NACA: variants seen among roughly 807,000 people sequenced by gnomAD.
NACA encodes nascent polypeptide-associated complex subunit alpha.
NACA carries 42 observed loss-of-function variants against 86.4 expected under a neutral mutation model. That is an observed-to-expected ratio of 0.49 (90% CI 0.38 to 0.63). The LOEUF is 0.63. Ranked by LOEUF, NACA falls within the 20% of genes least tolerant of loss-of-function variation. The pLI is 0.00. For missense variants in NACA, 2,157 were observed against 2,483.6 expected, an observed-to-expected ratio of 0.87 and a Z score of 2.80; for synonymous variants, 898 against 973.7, an observed-to-expected ratio of 0.92 and a Z score of 1.45.
rs1444312561 is a variant in NACA, at chr12:56,716,183, G to C, written c.5347C>G (p.Pro1783Ala). The change falls in exon 3 of 9, where the codon CCT (proline) becomes GCT (alanine). Residue 1783 changes from proline to alanine, a missense_variant. By Grantham distance (27) the Pro-to-Ala change is conservative. Around this residue, in one of 8 missense-constraint regions of NACA, gnomAD observed 797 missense variants for 777.6 expected, o/e 1.02. Coordinates refer to ENST00000454682, the MANE Select transcript of NACA (RefSeq NM_001365896.1). ...LTAAAFEKVL[P>A]KPESASVSAA... ...GAGACAGATGCTGATTCAGGTTTAG[G>C]AAGGACCTTCTCAAAGGCAGCTGCT... 1 of 1,613,726 alleles carries C rather than the reference G, an allele frequency of 6.2e-7. No homozygotes were observed. The highest frequency in any genetic ancestry group is 8.5e-7 in the Non-Finnish European group (1 of 1,179,878).
In NACA at chr12:56,713,309, G is replaced by A. The variant is rs549702269; in HGVS notation, c.5971-119C>T. ...GTAACTTATTGTACAGCTTTAAACT[G>A]CTTGCCCTCACAGTAGAAAGAGTAG... On this transcript the variant is annotated intron_variant, in intron 6 of 8. Transcript: ENST00000454682. The A allele has an allele frequency of 1.6e-5, 21 of 1,342,566 alleles. No homozygotes were observed. The South Asian group carries it at 2.3e-4, about 15-fold the overall frequency. 83.2% of individuals were successfully genotyped at this position (1,342,566 alleles called of 1,614,324 possible). A position where few individuals can be genotyped will look rare whatever the true frequency, so the allele number is the denominator to read the frequency against.
Position 56,716,066 on chromosome 12 carries a change from C to G in NACA, c.5464G>C (p.Gly1822Arg). ...PKQQFLPSSPGLVLESPSKPL... is the reference protein window; with the variant it reads ...PKQQFLPSSPRLVLESPSKPL... ...TTAGAGGGTGATTCCAACACCAGCC[C>G]AGGAGAGGACGGCAGAAATTGCTGT... Residue 1822 changes from glycine (G) to arginine (R), a missense_variant, in exon 3 of 9, where the codon GGG (glycine) becomes CGG (arginine). By Grantham distance (125) the Gly-to-Arg change is moderately radical. Transcript: ENST00000454682. 1 of 1,612,282 alleles carries G rather than the reference C, an allele frequency of 6.2e-7. No individual in the cohort carries two copies. The highest frequency in any genetic ancestry group is 8.5e-7 in the Non-Finnish European group (1 of 1,178,910).
At chr12:56,714,004 T>C (rs1008025168) in intron 5 of NACA, 1 of 381,864 alleles carries the variant, frequency 2.6e-6, no homozygotes, top group African/African-American at 2.0e-5. Context: ...CACCATGCCC[T>C]GCTATATATT....
In NACA at chr12:56,716,148, G is replaced by A. The variant is rs747020698; in HGVS notation, c.5382C>T (p.Pro1794=). 9.9e-6 allele frequency: 16 copies of A among 1,613,272 alleles called. No individual in the cohort carries two copies. In the African/African-American group the frequency reaches 2.0e-4, roughly 20 times the overall value. The change falls in exon 3 of 9, where the codon CCC becomes CCT. Residue 1794 remains proline, a synonymous_variant. Coordinates refer to ENST00000454682, the MANE Select transcript of NACA (RefSeq NM_001365896.1). ...KPESASVSAA[P]SPPVSLPLAP... The stretch of plus-strand genomic sequence containing the variant: ...CAAGAGGCAGAGAGACTGGTGGGGA[G>A]GGTGCTGCAGAGACAGATGCTGATT...
chr12:56,716,568 TG>T lies in NACA; in HGVS notation c.4961del (p.Pro1654GlnfsTer28). The T allele has an allele frequency of 6.9e-7, 1 of 1,459,062 alleles. No individual in the cohort carries two copies. Among genetic ancestry groups the T allele is most frequent in the Admixed American group, 1.8e-5 (1 of 55,284 alleles). The allele number at this position is 1,459,062 out of a possible 1,614,324, so 90.4% of individuals were successfully genotyped here. A position where few individuals can be genotyped will look rare whatever the true frequency, so the allele number is the denominator to read the frequency against. Reference sequence around the variant, plus strand: ...CCCCCATTTTACATGTGACAGAAGCTGGGGAAGTAGGGGAGTCTTTGAGGGA... The same window carrying T: ...CCCCCATTTTACATGTGACAGAAGCTGGGAAGTAGGGGAGTCTTTGAGGGA... Reference protein sequence around the residue: ...PSSLKDSPTSPASVTCKMGAT... With the variant: ...PSSLKDSPTSXASVTCKMGAT... On this transcript the variant is annotated frameshift_variant, in exon 3 of 9. Transcript: ENST00000454682. LOFTEE classifies it high-confidence loss of function.
chr12:56,724,386 C>A, intron 2 of NACA, 66 bp downstream of exon 2: 1 of 1,497,840 alleles, frequency 6.7e-7, no homozygotes, highest in South Asian at 1.2e-5. Context: ...TCCCCTTGGT[C>A]ATTTTGCCCA....
chr12:56,716,059 A>T lies in NACA; in HGVS notation c.5471T>A (p.Val1824Glu). Residue 1824 changes from valine to glutamate, a missense_variant, in exon 3 of 9, where the codon GTG (valine) becomes GAG (glutamate). Val to Glu is a moderately radical substitution (Grantham distance 121). Coordinates refer to ENST00000454682, the MANE Select transcript of NACA (RefSeq NM_001365896.1). ...QQFLPSSPGL[V>E]LESPSKPLAP... The stretch of plus-strand genomic sequence containing the variant: ...AAGGGGTTTAGAGGGTGATTCCAAC[A>T]CCAGCCCAGGAGAGGACGGCAGAAA... 6.2e-7 allele frequency: 1 copy of T among 1,611,690 alleles called. No homozygotes were observed. The highest frequency in any genetic ancestry group is 1.1e-5 in the South Asian group (1 of 90,934).
chr12:56,716,003 G>C lies in NACA; in HGVS notation c.5527C>G (p.Leu1843Val), dbSNP rs1174481493. The C allele has an allele frequency of 2.5e-6, 4 of 1,595,042 alleles. No individual in the cohort carries two copies. In the African/African-American group the frequency reaches 4.0e-5, roughly 16 times the overall value. ...APADEDELLP[L>V]IPPEPISGGV... The stretch of plus-strand genomic sequence containing the variant: ...CCAGAGATTGGTTCCGGGGGAATCA[G>C]AGGCAGCAGCTCATCCTCATCAGCA... Residue 1843 changes from leucine to valine, a missense_variant, in exon 3 of 9, where the codon CTG becomes GTG. Physicochemically the swap from Leu to Val is conservative, Grantham distance 32. Transcript: ENST00000454682.
chr12:56,724,118 G>A (rs967771577), intron 2 of NACA, among the ~76,000 whole-genome samples: 1 of 152,190 alleles, frequency 6.6e-6, no homozygotes, highest in Non-Finnish European at 1.5e-5. Flanking sequence ...CTTGGCCTGT[G>A]TCATCTAGTT....
rs758238318 is a variant in NACA at position 56,714,662 on chromosome 12, A to C, written c.5685T>G (p.Asp1895Glu). 3.7e-6 allele frequency: 6 copies of C among 1,614,174 alleles called. No individual in the cohort carries two copies. The highest frequency in any genetic ancestry group is 1.1e-5 in the South Asian group (1 of 91,084). ...NKGSGTESDS[D>E]ESVPELEEQD... is the part of the protein sequence containing the mutation. The stretch of plus-strand genomic sequence containing the variant: ...GTTCTTCAAGCTCTGGTACTGATTC[A>C]TCACTGTCAGATTCTGTTCCAGACC... The change falls in exon 4 of 9, where the codon GAT becomes GAG. Residue 1895 changes from aspartate (D) to glutamate (E), a missense_variant. Asp to Glu is a conservative substitution (Grantham distance 45, BLOSUM62 2). This residue lies in a region of NACA where 797 missense variants were observed against 777.6 expected (regional missense o/e 1.02). Coordinates refer to ENST00000454682, the MANE Select transcript of NACA (RefSeq NM_001365896.1).
intron 2 of NACA, among the ~76,000 whole-genome samples, chr12:56,723,625 C>T (rs1390438521): frequency 1.3e-5 from 2 of 152,002 alleles, no homozygotes; most frequent in Non-Finnish European, 2.9e-5. Flanking sequence ...TCTACTGTAA[C>T]TCCAAAAAGG....
Position 56,717,110 on chromosome 12 carries a change from A to G in NACA, c.4420T>C (p.Ser1474Pro). 8.2e-7 allele frequency: 1 copy of G among 1,219,984 alleles called. No individual in the cohort carries two copies. Among genetic ancestry groups the G allele is most frequent in the Non-Finnish European group, 1.0e-6 (1 of 963,342 alleles). 75.6% of individuals were successfully genotyped at this position (1,219,984 alleles called of 1,614,324 possible). A position where few individuals can be genotyped will look rare whatever the true frequency, so the allele number is the denominator to read the frequency against. ...DPTLPAVTPP[S>P]PKEPPAPKQV... Reference sequence around the variant, plus strand: ...TTGGGGGCTGGGGGCTCCTTGGGGGAAGGAGGAGTCACTGCTGGGAGGGTG... The same window carrying G: ...TTGGGGGCTGGGGGCTCCTTGGGGGGAGGAGGAGTCACTGCTGGGAGGGTG... The change falls in exon 3 of 9, where the codon TCC becomes CCC. Residue 1474 changes from serine to proline, a missense_variant. Coordinates refer to ENST00000454682, the MANE Select transcript of NACA (RefSeq NM_001365896.1).
At chr12:56,724,090 C>T (rs556220513) in intron 2 of NACA, among the ~76,000 whole-genome samples, 2 of 152,314 alleles carry the variant, frequency 1.3e-5, no homozygotes, top group African/African-American at 4.8e-5. Flanking sequence ...GCTGGAGTTT[C>T]ACAAATGCTC....
At position 56,717,455 on chromosome 12, in the gene NACA, C is replaced by G. The variant is rs1271402369; in HGVS notation, c.4075G>C (p.Gly1359Arg). The G allele has an allele frequency of 1.5e-6, 2 of 1,370,916 alleles. No individual in the cohort carries two copies. The highest frequency in any genetic ancestry group is 2.5e-5 in the South Asian group (2 of 80,118). The allele number at this position is 1,370,916 out of a possible 1,614,324, so 84.9% of individuals were successfully genotyped here. A position where few individuals can be genotyped will look rare whatever the true frequency, so the allele number is the denominator to read the frequency against. The change falls in exon 3 of 9, where the codon GGC (glycine) becomes CGC (arginine). Residue 1359 changes from glycine to arginine, a missense_variant. Coordinates refer to ENST00000454682, the MANE Select transcript of NACA (RefSeq NM_001365896.1). ...LPATTPSSKG[G>R]PTTPSSKEGP... ...TCTTTGGAGGATGGAGTAGTTGGGC[C>G]TCCTTTAGAGGAGGGAGTTGTAGCT...
chr12:56,720,470 T>G lies in NACA; in HGVS notation c.1060A>C (p.Arg354=). 6.2e-7 allele frequency: 1 copy of G among 1,613,760 alleles called. No individual in the cohort carries two copies. Among genetic ancestry groups the G allele is most frequent in the Non-Finnish European group, 8.5e-7 (1 of 1,179,762 alleles). ...GAAGGAAGGGGAGGAATTACAGATCTCTGAGAAGGATAAGAGGCCCCTGTG... is the reference window on the plus strand; with the variant it reads ...GAAGGAAGGGGAGGAATTACAGATCGCTGAGAAGGATAAGAGGCCCCTGTG... ...SSTGASYPSQ[R]SVIPPLPSRN... The change falls in exon 3 of 9, where the codon AGA becomes CGA. Residue 354 remains arginine (R), a synonymous_variant. Transcript: ENST00000454682.
In NACA at chr12:56,717,260, C is replaced by G. The variant is rs1953399518; in HGVS notation, c.4270G>C (p.Gly1424Arg). The change falls in exon 3 of 9, where the codon GGC (glycine) becomes CGC (arginine). Residue 1424 changes from glycine to arginine, a missense_variant. By Grantham distance (125) the Gly-to-Arg change is moderately radical. Transcript: ENST00000454682. ...TCTCCTTTGGATGGGGTGGCTGCGC[C>G]TTCTCTGGTGACTGGAGTTGCTGGA... ...KAPATPVTRE[G>R]AATPSKGDLT... 1 of 1,326,460 alleles carries G rather than the reference C, an allele frequency of 7.5e-7. No homozygotes were observed. Among genetic ancestry groups the G allele is most frequent in the Non-Finnish European group, 9.8e-7 (1 of 1,016,444 alleles). The allele number at this position is 1,326,460 out of a possible 1,614,324, so 82.2% of individuals were successfully genotyped here.
Position 56,720,048 on chromosome 12 carries a change from A to G in NACA, c.1482T>C (p.Ser494=). ...VMAPVAPKEP[S]TQVATTLRIP... is the part of the protein sequence containing the mutation. Reference sequence around the variant, plus strand: ...TCCTCAGAGTGGTTGCTACTTGAGTAGAAGGCTCTTTGGGAGCCACAGGTG... The same window carrying G: ...TCCTCAGAGTGGTTGCTACTTGAGTGGAAGGCTCTTTGGGAGCCACAGGTG... The change falls in exon 3 of 9, where the codon TCT becomes TCC. Residue 494 remains serine, a synonymous_variant. Coordinates refer to ENST00000454682, the MANE Select transcript of NACA (RefSeq NM_001365896.1). The G allele has an allele frequency of 2.5e-6, 4 of 1,613,984 alleles. No homozygotes were observed. Among genetic ancestry groups the G allele is most frequent in the Non-Finnish European group, 3.4e-6 (4 of 1,179,890 alleles).
In NACA at chr12:56,716,623, G is replaced by C. The variant is rs758174088; in HGVS notation, c.4907C>G (p.Thr1636Ser). 7 of 1,449,110 alleles carry C rather than the reference G, an allele frequency of 4.8e-6. No homozygotes were observed. In the East Asian group the frequency reaches 1.8e-4, roughly 37 times the overall value. The allele number at this position is 1,449,110 out of a possible 1,614,324, so 89.8% of individuals were successfully genotyped here. The part of the protein sequence containing the change: ...KGPATPAPKG[T>S]PTSPPVTPSS... ...AGGAGTCACAGGTGGGGAAGTGGGA[G>C]TCCCTTTGGGGGCTGGAGTTGCTGG... Residue 1636 changes from threonine (T) to serine (S), a missense_variant, in exon 3 of 9, where the codon ACT becomes AGT. Transcript: ENST00000454682.
At position 56,715,997 on chromosome 12, in the gene NACA, G is replaced by A. The variant is rs748115761; in HGVS notation, c.5533C>T (p.Pro1845Ser). Residue 1845 changes from proline to serine, a missense_variant, in exon 3 of 9, where the codon CCC becomes TCC. Physicochemically the swap from Pro to Ser is moderately conservative, Grantham distance 74. This residue lies in a region of NACA where 797 missense variants were observed against 777.6 expected (regional missense o/e 1.02). Transcript: ENST00000454682. Reference protein sequence around the residue: ...ADEDELLPLIPPEPISGGVPF... With the variant: ...ADEDELLPLISPEPISGGVPF... The stretch of plus-strand genomic sequence containing the variant: ...ACTCCCCCAGAGATTGGTTCCGGGG[G>A]AATCAGAGGCAGCAGCTCATCCTCA... 2.5e-6 allele frequency: 4 copies of A among 1,591,834 alleles called. No homozygotes were observed. The highest frequency in any genetic ancestry group is 3.4e-5 in the Admixed American group (2 of 58,104).
Sources: allele counts gnomAD v4.1 joint callset (sites outside exome capture counted in the v4.1 genomes callset), GRCh38; gene constraint gnomAD v4.1.1; regional missense constraint gnomAD v4.1.1; transcripts MANE v1.5; gene names NCBI Gene and HGNC (gene_info 2026-07-23, HGNC 2026-07-21).